PIP4K2A: variants seen among roughly 807,000 people sequenced by gnomAD.
The protein encoded by PIP4K2A is phosphatidylinositol-5-phosphate 4-kinase type 2 alpha.
In PIP4K2A, 14 loss-of-function variants were observed where a neutral mutation model predicts 42.9. The observed-to-expected ratio is 0.33, with a 90% confidence interval of 0.22 to 0.51. The LOEUF (loss-of-function observed/expected upper bound fraction) is 0.51. Ranked by LOEUF, PIP4K2A falls within the 20% of genes least tolerant of loss-of-function variation. The pLI is 0.97. For missense variants in PIP4K2A, 434 were observed against 519.8 expected, an observed-to-expected ratio of 0.83 and a Z score of 1.61; for synonymous variants, 192 against 192.2, an observed-to-expected ratio of 1.00 and a Z score of 0.01.
chr10:22,600,287 A>T lies in PIP4K2A; in HGVS notation c.339+7640T>A, dbSNP rs1356282984. 2.0e-5 allele frequency among the ~76,000 whole-genome samples: 3 copies of T among 152,078 alleles called. No individual in the cohort carries two copies. In the East Asian group the frequency reaches 5.8e-4, roughly 29 times the overall value. ...TTCATTTTTGGTTGAAAGAGGGGCC[A>T]CTTAAACTTTGCCATGCTCAAATGT... is the stretch of plus-strand genomic sequence containing the variant. On this transcript the variant is annotated intron_variant, in intron 3 of 9. Transcript: ENST00000376573.
intron 1 of PIP4K2A, among the ~76,000 whole-genome samples, chr10:22,632,258 T>G (rs552048347): frequency 6.6e-6 from 1 of 152,342 alleles, no homozygotes; most frequent in African/African-American, 2.4e-5. Flanking sequence ...CGCAGTCATC[T>G]TGTATCAGTG....
chr10:22,545,068 G>A (rs940333145), intron 7 of PIP4K2A, among the ~76,000 whole-genome samples: 2 of 152,292 alleles, frequency 1.3e-5, no homozygotes, highest in East Asian at 3.9e-4. Flanking sequence ...CTGCATTCCC[G>A]AATCCCGGCA....
At chr10:22,600,177 C>T (rs780493509) in intron 3 of PIP4K2A, among the ~76,000 whole-genome samples, 1 of 152,006 alleles carries the variant, frequency 6.6e-6, no homozygotes, top group Non-Finnish European at 1.5e-5. Context: ...TTGAACTAAT[C>T]ACGTAAGTCT....
intron 1 of PIP4K2A, among the ~76,000 whole-genome samples, chr10:22,685,068 T>C (rs1470357065): frequency 1.3e-5 from 2 of 152,316 alleles, no homozygotes; most frequent in Admixed American, 6.5e-5. Context: ...GCCATGTATA[T>C]ATTTTTTCAA....
chr10:22,537,216 G>A lies in PIP4K2A; in HGVS notation c.1206C>T (p.Gly402=). The change falls in exon 10 of 10, where the codon GGC becomes GGT. Residue 402 remains glycine (G), a synonymous_variant. Coordinates refer to ENST00000376573, the MANE Select transcript of PIP4K2A (RefSeq NM_005028.5). ...QYSKRFLDFI[G]HILT ...GCGCAGGAGGTTACGTCAAGATGTG[G>A]CCAATAAAGTCCAAAAAGCGCTTTG... is the stretch of plus-strand genomic sequence containing the variant. The A allele has an allele frequency of 6.2e-7, 1 of 1,605,122 alleles. No homozygotes were observed. Among genetic ancestry groups the A allele is most frequent in the Non-Finnish European group, 8.5e-7 (1 of 1,174,704 alleles).
intron 5 of PIP4K2A, among the ~76,000 whole-genome samples, chr10:22,569,233 C>G (rs1836922990): frequency 6.6e-6 from 1 of 152,220 alleles, no homozygotes; most frequent in Non-Finnish European, 1.5e-5. Flanking sequence ...TTCCATCCCC[C>G]TGGTGCTCAG....
intron 9 of PIP4K2A, among the ~76,000 whole-genome samples, chr10:22,537,857 G>A (rs1214277080): frequency 6.6e-6 from 1 of 152,184 alleles, no homozygotes; most frequent in African/African-American, 2.4e-5. Flanking sequence ...GTAACCAGGT[G>A]AGGCACAACA....
intron 9 of PIP4K2A, among the ~76,000 whole-genome samples, chr10:22,538,757 T>C (rs117153270): frequency 0.017 from 2,519 of 151,942 alleles, 38 homozygotes; most frequent in Non-Finnish European, 0.022. Flanking sequence ...AAAATTTCTG[T>C]TGGGGGGAAG....
At chr10:22,604,841 C>T (rs920718979) in intron 3 of PIP4K2A, among the ~76,000 whole-genome samples, 1 of 152,188 alleles carries the variant, frequency 6.6e-6, no homozygotes, top group Non-Finnish European at 1.5e-5. Flanking sequence ...GTTACTTGAA[C>T]TGGGCATGAG....
chr10:22,678,348 G>T (rs570246413), intron 1 of PIP4K2A, among the ~76,000 whole-genome samples: 18 of 151,874 alleles, frequency 1.2e-4, no homozygotes, highest in African/African-American at 4.1e-4. Flanking sequence ...TTTTAGCAGT[G>T]CATGATAAAG....
intron 4 of PIP4K2A, among the ~76,000 whole-genome samples, chr10:22,580,267 C>T (rs866842544): frequency 9.2e-5 from 14 of 152,122 alleles, no homozygotes; most frequent in Middle Eastern, 3.4e-3. Context: ...TATGTTGCTT[C>T]TAGGATCACA....
chr10:22,554,098 G>T (rs779929948), intron 6 of PIP4K2A, among the ~76,000 whole-genome samples: 17 of 151,970 alleles, frequency 1.1e-4, no homozygotes, highest in Non-Finnish European at 2.1e-4. Flanking sequence ...CCATGATCGC[G>T]CCACTGCACT....
chr10:22,578,307 A>G (rs917563506), intron 4 of PIP4K2A, among the ~76,000 whole-genome samples: 17 of 152,112 alleles, frequency 1.1e-4, no homozygotes, highest in Non-Finnish European at 1.6e-4. Flanking sequence ...CCCCCCATCC[A>G]TTCTGCAGCT....
intron 3 of PIP4K2A, among the ~76,000 whole-genome samples, chr10:22,594,450 C>G (rs886160535): frequency 6.6e-6 from 1 of 152,164 alleles, no homozygotes; most frequent in African/African-American, 2.4e-5. Context: ...GGCTGGAGTA[C>G]AGTGGTGCGA....
intron 1 of PIP4K2A, among the ~76,000 whole-genome samples, chr10:22,622,604 T>C (rs779330740): frequency 3.9e-4 from 59 of 152,288 alleles, no homozygotes; most frequent in Non-Finnish European, 5.9e-4. Context: ...ATTCCGCCAG[T>C]GGGCGGCAGC....
intron 1 of PIP4K2A, among the ~76,000 whole-genome samples, chr10:22,658,454 A>C (rs1024372783): frequency 6.6e-6 from 1 of 152,264 alleles, no homozygotes; most frequent in Non-Finnish European, 1.5e-5. Context: ...TGAGAACTTA[A>C]AATACTACCT....
chr10:22,601,162 AAC>A (rs1491580252), intron 3 of PIP4K2A, among the ~76,000 whole-genome samples: 10,423 of 67,304 alleles, frequency 0.15, 3,525 homozygotes, highest in East Asian at 0.29. Flanking sequence ...AAAAAAAAAA[AAC>A]AAACCAGGAA....
intron 1 of PIP4K2A, among the ~76,000 whole-genome samples, chr10:22,624,662 C>A (rs1238386874): frequency 6.6e-6 from 1 of 152,032 alleles, no homozygotes; most frequent in East Asian, 1.9e-4. Flanking sequence ...AGGTGCTTCT[C>A]AGTAGTATGT....
At chr10:22,602,695 C>T (rs1200757358) in intron 3 of PIP4K2A, among the ~76,000 whole-genome samples, 1 of 152,082 alleles carries the variant, frequency 6.6e-6, no homozygotes, top group African/African-American at 2.4e-5. Context: ...CTCTCTTTCA[C>T]AAGTATTTCT....
Sources: gnomAD v4.1 joint callset for allele counts (sites outside exome capture counted in the v4.1 genomes callset) on GRCh38, gnomAD v4.1.1 for gene constraint, MANE v1.5 for transcripts, NCBI Gene and HGNC (gene_info 2026-07-23, HGNC 2026-07-21) for gene names.